CDH9: variants seen among roughly 807,000 people sequenced by gnomAD.
CDH9 encodes the protein cadherin-9.
CDH9 carries 28 observed loss-of-function variants against 70.9 expected under a neutral mutation model. That is an observed-to-expected ratio of 0.40 (90% confidence interval 0.29 to 0.54). The LOEUF is 0.54. Among genes scored for constraint, CDH9 ranks in the 20% least tolerant of loss-of-function variants. The pLI, the probability that CDH9 is intolerant of heterozygous loss-of-function variation, is 0.59. For synonymous variants in CDH9, 409 were observed against 343.1 expected (o/e 1.19, Z -2.12); for missense variants, 874 against 984.4 (o/e 0.89, Z 1.50).
At chr5:27,036,211 C>A (rs1743389711) in intron 1 of CDH9, among the ~76,000 whole-genome samples, 1 of 151,758 alleles carries the variant, frequency 6.6e-6, no homozygotes, top group Non-Finnish European at 1.5e-5. Context: ...ATTAACTTTG[C>A]TTTAAAAATC....
chr5:26,890,638 G>T, intron 7 of CDH9, 74 bp from the exon 8 acceptor site: 1 of 1,033,912 alleles, frequency 9.7e-7, no homozygotes, highest in Non-Finnish European at 1.5e-6. Context: ...AAAGCTATAG[G>T]TAATTTCCAC....
At chr5:26,924,748 T>C (rs1741307018) in intron 2 of CDH9, among the ~76,000 whole-genome samples, 1 of 152,008 alleles carries the variant, frequency 6.6e-6, no homozygotes, top group Non-Finnish European at 1.5e-5. Context: ...TTCCCCACCC[T>C]GTGTCCAAAT....
intron 1 of CDH9, among the ~76,000 whole-genome samples, chr5:26,991,819 A>G (rs1742584056): frequency 6.6e-6 from 1 of 152,184 alleles, no homozygotes; most frequent in South Asian, 2.1e-4. Flanking sequence ...TCAGGAGAAA[A>G]GTGGATCTAT....
intron 2 of CDH9, among the ~76,000 whole-genome samples, chr5:26,930,877 G>A (rs1429566156): frequency 6.6e-6 from 1 of 151,908 alleles, no homozygotes; most frequent in African/African-American, 2.4e-5. Context: ...AGCCATAAAT[G>A]TATTTCTTTG....
intron 11 of CDH9, among the ~76,000 whole-genome samples, chr5:26,883,517 T>A (rs1740507837): frequency 6.6e-6 from 1 of 152,044 alleles, no homozygotes; most frequent in Non-Finnish European, 1.5e-5. Context: ...TTTAGCATTT[T>A]TTTCAATAGG....
At chr5:26,937,526 C>T (rs1741581184) in intron 2 of CDH9, among the ~76,000 whole-genome samples, 1 of 152,020 alleles carries the variant, frequency 6.6e-6, no homozygotes. Flanking sequence ...GGTTGAAAAG[C>T]CTGTTGCATG....
rs373803020 is a variant in CDH9 at position 26,903,748 on chromosome 5, G to A, written c.888C>T (p.Asp296=). Residue 296 remains aspartate (D), a synonymous_variant, in exon 6 of 12, where the codon GAC becomes GAT. Transcript: ENST00000231021. ...HLGRIKANDP[D]VGENAEMEYS... is the part of the protein sequence containing the mutation. Reference sequence around the variant, plus strand: ...ACTCCATTTCTGCATTTTCCCCCACGTCAGGGTCATTGGCTTTTATCCTTC... The same window carrying A: ...ACTCCATTTCTGCATTTTCCCCCACATCAGGGTCATTGGCTTTTATCCTTC... 4.0e-5 allele frequency: 64 copies of A among 1,607,394 alleles called. No homozygotes were observed. The highest frequency in any genetic ancestry group is 2.2e-4 in the East Asian group (10 of 44,802).
intron 2 of CDH9, among the ~76,000 whole-genome samples, chr5:26,973,443 A>G (rs1043777019): frequency 2.0e-5 from 3 of 147,820 alleles, no homozygotes; most frequent in Admixed American, 6.8e-5. Flanking sequence ...TTTATTTTGT[A>G]TTTTTTTTTT....
intron 11 of CDH9, among the ~76,000 whole-genome samples, chr5:26,885,089 A>C (rs2111966644): frequency 6.6e-6 from 1 of 152,312 alleles, no homozygotes; most frequent in East Asian, 1.9e-4. Context: ...CATCTGATAT[A>C]GATAATTCAG....
chr5:26,887,962 T>C (rs1248257926), intron 9 of CDH9, among the ~76,000 whole-genome samples: 1 of 152,308 alleles, frequency 6.6e-6, no homozygotes, highest in East Asian at 1.9e-4. Flanking sequence ...GTGTTAATTT[T>C]ATACTTCCAG....
intron 2 of CDH9, among the ~76,000 whole-genome samples, chr5:26,970,084 T>C (rs978917548): frequency 6.6e-6 from 1 of 151,236 alleles, no homozygotes; most frequent in Non-Finnish European, 1.5e-5. Context: ...AGTTATGAGA[T>C]TAATGAATCC....
chr5:26,923,851 A>G (rs912934551), intron 2 of CDH9, among the ~76,000 whole-genome samples: 2 of 152,054 alleles, frequency 1.3e-5, no homozygotes, highest in Non-Finnish European at 2.9e-5. Context: ...AAATTAGAAA[A>G]GTTCTTGAAA....
intron 2 of CDH9, among the ~76,000 whole-genome samples, chr5:26,968,256 G>A (rs1176365197): frequency 3.3e-5 from 5 of 151,738 alleles, no homozygotes; most frequent in African/African-American, 1.2e-4. Flanking sequence ...ACAGGGAAAC[G>A]TTTCTGGAAT....
intron 2 of CDH9, among the ~76,000 whole-genome samples, chr5:26,964,323 A>C (rs1056309106): frequency 3.3e-5 from 5 of 152,126 alleles, no homozygotes; most frequent in Non-Finnish European, 7.4e-5. Context: ...AGTTGTTTCT[A>C]CTCTCTAAGA....
At chr5:26,997,106 T>C (rs1230158951) in intron 1 of CDH9, among the ~76,000 whole-genome samples, 1 of 152,122 alleles carries the variant, frequency 6.6e-6, no homozygotes, top group Non-Finnish European at 1.5e-5. Context: ...TAAAATATGA[T>C]ATGTATAGAA....
At chr5:26,947,992 G>A (rs1386165338) in intron 2 of CDH9, among the ~76,000 whole-genome samples, 3 of 152,042 alleles carry the variant, frequency 2.0e-5, no homozygotes, top group African/African-American at 4.8e-5. Flanking sequence ...AGGAAATTTT[G>A]AACACCGAGA....
intron 8 of CDH9, 142 bp downstream of exon 8, chr5:26,890,286 A>C: frequency 1.5e-6 from 1 of 675,822 alleles, no homozygotes; most frequent in Non-Finnish European, 2.6e-6. Context: ...TAATTTAAAA[A>C]TGTGTTGATA....
intron 2 of CDH9, among the ~76,000 whole-genome samples, chr5:26,940,994 G>T (rs899251638): frequency 7.9e-5 from 12 of 152,202 alleles, no homozygotes; most frequent in Admixed American, 2.6e-4. Context: ...CATAAATTGT[G>T]CTTAGCACAG....
intron 10 of CDH9, 44 bp downstream of exon 10, chr5:26,885,922 A>T (rs1740558671): frequency 1.3e-6 from 2 of 1,593,570 alleles, no homozygotes; most frequent in African/African-American, 1.4e-5. Context: ...TTAACTGTGT[A>T]TCTTAAAGTT....
Sources: allele counts gnomAD v4.1 joint callset (sites outside exome capture counted in the v4.1 genomes callset), GRCh38; gene constraint gnomAD v4.1.1; transcripts MANE v1.5; gene names NCBI Gene and HGNC (gene_info 2026-07-23, HGNC 2026-07-21).